Variants in EPB41L4A observed in about 807,000 individuals in gnomAD.
The protein encoded by EPB41L4A is band 4.1-like protein 4A.
A neutral mutation model predicts 108.6 loss-of-function variants in EPB41L4A; 100 were observed. That is an observed-to-expected ratio of 0.92 (90% CI 0.78 to 1.09). EPB41L4A has a LOEUF of 1.09. Ranked by LOEUF, EPB41L4A falls within the 50% of genes least tolerant of loss-of-function variation. EPB41L4A has a pLI of 0.00. For synonymous variants in EPB41L4A, 319 were observed against 289.0 expected (o/e 1.10, Z -1.05); for missense variants, 1,030 against 842.7 (o/e 1.22, Z -2.75).
intron 4 of EPB41L4A, 182 bp downstream of exon 4, chr5:112,275,144 C>A: frequency 1.5e-6 from 1 of 653,664 alleles, no homozygotes; most frequent in Non-Finnish European, 2.4e-6. Context: ...TCAAACACAT[C>A]TATCATCAGA....
rs931874749 is a variant in EPB41L4A at position 112,163,798 on chromosome 5, T to G, written c.*1192A>C. 1.3e-5 allele frequency: 2 copies of G among 152,098 alleles called. No individual in the cohort carries two copies. The highest frequency in any genetic ancestry group is 1.3e-4 in the Admixed American group (2 of 15,268). The allele number at this position is 152,098 out of a possible 1,614,324, so 9.4% of individuals were successfully genotyped here. A position where few individuals can be genotyped will look rare whatever the true frequency, so the allele number is the denominator to read the frequency against. ...GTTTTGTTTAATCTTAGTCTTAAAT[T>G]TAAAACCAAGTAGCAAGGATCTAGC... is the stretch of plus-strand genomic sequence containing the variant. On this transcript the variant is annotated 3_prime_UTR_variant, in exon 23 of 23. Coordinates refer to ENST00000261486, the MANE Select transcript of EPB41L4A (RefSeq NM_022140.5).
chr5:112,345,817 AC>A (rs1757623888), intron 1 of EPB41L4A, among the ~76,000 whole-genome samples: 1 of 148,326 alleles, frequency 6.7e-6, no homozygotes, highest in East Asian at 2.0e-4. Context: ...ACACACACAC[AC>A]ACACGCACAC....
At chr5:112,161,379 C>T (rs778614914), downstream of EPB41L4A, 305 of 417,178 alleles carry the variant, frequency 7.3e-4, no homozygotes, top group Non-Finnish European at 1.2e-3. Context: ...GATTTTAAAT[C>T]GTGAGAAAAT....
chr5:112,239,463 T>C (rs951587198), intron 11 of EPB41L4A, 197 bp downstream of exon 11: 66 of 397,396 alleles, frequency 1.7e-4, no homozygotes, highest in Admixed American at 2.7e-4. Context: ...ACATAGCTAA[T>C]GCAGACACTA....
intron 1 of EPB41L4A, among the ~76,000 whole-genome samples, chr5:112,351,648 A>G (rs1484240292): frequency 1.3e-5 from 2 of 152,208 alleles, no homozygotes; most frequent in Non-Finnish European, 2.9e-5. Flanking sequence ...AAAACCAGAC[A>G]AGGACCCAGC....
intron 1 of EPB41L4A, among the ~76,000 whole-genome samples, chr5:112,408,641 A>G (rs1580852620): frequency 7.3e-6 from 1 of 137,370 alleles, no homozygotes; most frequent in Admixed American, 8.0e-5. Flanking sequence ...CCAGGACTTC[A>G]AACGAGCCTG....
intron 18 of EPB41L4A, among the ~76,000 whole-genome samples, chr5:112,174,514 C>G (rs1011177608): frequency 6.6e-6 from 1 of 152,154 alleles, no homozygotes; most frequent in South Asian, 2.1e-4. Context: ...TACAAATATT[C>G]CACTTTAAAT....
Position 112,145,926 on chromosome 5 carries a change from C to A in EPB41L4A, n.1067G>T, listed in dbSNP as rs141453257. The A allele has an allele frequency of 1.8e-3, 839 of 456,778 alleles. 1 individual carries two copies. The highest frequency in any genetic ancestry group is 3.0e-3 in the Non-Finnish European group (679 of 226,984). 28.3% of individuals were successfully genotyped at this position (456,778 alleles called of 1,614,324 possible). On this transcript the variant is annotated non_coding_transcript_exon_variant, in exon 13 of 14. Coordinates refer to the EPB41L4A transcript ENST00000507810. ...TCATCCAGAAGTGTATTATGAGAGA[C>A]CTTCTGAAGTGCCTTGTTCAAACTC... is the stretch of plus-strand genomic sequence containing the variant.
At chr5:112,338,798 T>C (rs879917706) in intron 1 of EPB41L4A, among the ~76,000 whole-genome samples, 2 of 152,216 alleles carry the variant, frequency 1.3e-5, no homozygotes, top group Non-Finnish European at 2.9e-5. Flanking sequence ...ACTATTGTTT[T>C]ACACATTGTC....
chr5:112,198,672 C>T (rs544948703), intron 15 of EPB41L4A, among the ~76,000 whole-genome samples: 29 of 151,918 alleles, frequency 1.9e-4, no homozygotes, highest in Non-Finnish European at 3.5e-4. Context: ...TATTTCCATA[C>T]ATTTGTTTTA....
intron 1 of EPB41L4A, among the ~76,000 whole-genome samples, chr5:112,319,259 G>T (rs1297023193): frequency 6.6e-6 from 1 of 151,638 alleles, no homozygotes; most frequent in Non-Finnish European, 1.5e-5. Context: ...GGGACAATCT[G>T]AACAACAACA....
At chr5:112,278,937 C>A (rs1005952522) in intron 3 of EPB41L4A, among the ~76,000 whole-genome samples, 1 of 150,766 alleles carries the variant, frequency 6.6e-6, no homozygotes, top group South Asian at 2.1e-4. Flanking sequence ...TGGTGGTGGG[C>A]GCTTGTAATC....
intron 12 of EPB41L4A, among the ~76,000 whole-genome samples, chr5:112,217,417 G>C (rs1348717522): frequency 6.6e-6 from 1 of 152,100 alleles, no homozygotes; most frequent in South Asian, 2.1e-4. Context: ...AGAATTCCTG[G>C]GCTGAATACA....
intron 15 of EPB41L4A, among the ~76,000 whole-genome samples, chr5:112,198,285 G>A (rs1381176128): frequency 6.6e-6 from 1 of 151,952 alleles, no homozygotes; most frequent in East Asian, 1.9e-4. Flanking sequence ...GGCCCACCTC[G>A]GCCTCTCAAA....
At chr5:112,328,619 G>C (rs1191863007) in intron 1 of EPB41L4A, among the ~76,000 whole-genome samples, 1 of 152,164 alleles carries the variant, frequency 6.6e-6, no homozygotes, top group Non-Finnish European at 1.5e-5. Flanking sequence ...CAAGCTCACT[G>C]ATTTAAAACA....
intron 12 of EPB41L4A, among the ~76,000 whole-genome samples, chr5:112,146,887 G>A (rs368981626): frequency 1.3e-5 from 2 of 152,150 alleles, no homozygotes; most frequent in East Asian, 1.9e-4. Context: ...ACCTTAACAG[G>A]TCTTTTCTAT....
chr5:112,379,791 T>C (rs542267114), intron 1 of EPB41L4A, among the ~76,000 whole-genome samples: 1 of 152,332 alleles, frequency 6.6e-6, no homozygotes, highest in South Asian at 2.1e-4. Context: ...CAGAGAGTTG[T>C]CAAGACAACT....
rs566864447 is a variant in EPB41L4A at position 112,286,228 on chromosome 5, T to G, written c.205-5905A>C. Among the ~76,000 whole-genome samples the G allele has an allele frequency of 5.3e-4, 81 of 151,946 alleles. 1 individual carries two copies. The highest frequency in any genetic ancestry group is 8.5e-4 in the Admixed American group (13 of 15,250). ...CACTTGCAAGTGTCCTCAATTTCCT[T>G]GCACATCCTTGCTTCCATAATATCT... On this transcript the variant is annotated intron_variant, in intron 2 of 22. Coordinates refer to ENST00000261486, the MANE Select transcript of EPB41L4A (RefSeq NM_022140.5).
intron 1 of EPB41L4A, among the ~76,000 whole-genome samples, chr5:112,357,632 C>T (rs1758447713): frequency 6.6e-6 from 1 of 152,156 alleles, no homozygotes; most frequent in Admixed American, 6.5e-5. Flanking sequence ...AATGTGAAAT[C>T]ATCCCAACAG....
Sources: gnomAD v4.1 joint callset for allele counts (sites outside exome capture counted in the v4.1 genomes callset) on GRCh38, gnomAD v4.1.1 for gene constraint, MANE v1.5 for transcripts, NCBI Gene and HGNC (gene_info 2026-07-23, HGNC 2026-07-21) for gene names.